TMED10: variants seen among roughly 807,000 people sequenced by gnomAD.
TMED10 encodes transmembrane p24 trafficking protein 10.
TMED10 carries 7 observed loss-of-function variants against 23.1 expected under a neutral mutation model. The ratio of observed to expected loss-of-function variants is 0.30; its 90% CI spans 0.17 to 0.57. The LOEUF is 0.57. Ranked by LOEUF, TMED10 falls within the 20% of genes least tolerant of loss-of-function variation. The probability of loss-of-function intolerance (pLI) is 0.91; values close to 1 mark genes in which losing one functional copy is unlikely to be tolerated. For missense variants in TMED10, 162 were observed against 274.8 expected, an observed-to-expected ratio of 0.59 and a Z score of 2.90; for synonymous variants, 113 against 106.9, an observed-to-expected ratio of 1.06 and a Z score of -0.35.
At chr14:75,142,230 GT>G (rs989911070) in intron 3 of TMED10, among the ~76,000 whole-genome samples, 7 of 152,160 alleles carry the variant, frequency 4.6e-5, no homozygotes, top group African/African-American at 1.7e-4. Flanking sequence ...GCTGCATGTA[GT>G]TGTTAAATAA....
At chr14:75,153,017 G>A (rs1895973709) in intron 1 of TMED10, among the ~76,000 whole-genome samples, 2 of 152,204 alleles carry the variant, frequency 1.3e-5, no homozygotes, top group Admixed American at 1.3e-4. Flanking sequence ...AGCTACTCAG[G>A]AGGCTGAGGC....
intron 2 of TMED10, among the ~76,000 whole-genome samples, chr14:75,150,431 C>G (rs892976376): frequency 6.6e-6 from 1 of 152,330 alleles, no homozygotes; most frequent in Non-Finnish European, 1.5e-5. Flanking sequence ...ACAAGGTCTT[C>G]CAACTACCTC....
At chr14:75,176,151 G>C (rs1458450686) in intron 1 of TMED10, 1 of 627,410 alleles carries the variant, frequency 1.6e-6, no homozygotes, top group African/African-American at 1.8e-5. Flanking sequence ...GCCCTTCTTG[G>C]GGTTCCCAGG....
At chr14:75,158,025 G>A (rs1896041801) in intron 1 of TMED10, among the ~76,000 whole-genome samples, 1 of 152,152 alleles carries the variant, frequency 6.6e-6, no homozygotes, top group African/African-American at 2.4e-5. Context: ...TGCATCCCAT[G>A]CTGCCTTCCC....
chr14:75,154,540 A>ATGACAGG (rs1020630193), intron 1 of TMED10, among the ~76,000 whole-genome samples: 1 of 151,970 alleles, frequency 6.6e-6, no homozygotes, highest in Admixed American at 6.6e-5. Context: ...TAAATTTGAA[A>ATGACAGG]TGACAGATTA....
intron 3 of TMED10, among the ~76,000 whole-genome samples, chr14:75,145,191 G>C (rs906058449): frequency 6.6e-6 from 1 of 152,176 alleles, no homozygotes; most frequent in African/African-American, 2.4e-5. Flanking sequence ...ATGCGTAAAG[G>C]CAGGCTTAGG....
At chr14:75,144,554 G>T (rs970097013) in intron 3 of TMED10, among the ~76,000 whole-genome samples, 2 of 152,194 alleles carry the variant, frequency 1.3e-5, no homozygotes, top group Non-Finnish European at 2.9e-5. Context: ...TAGGTAGGTA[G>T]TGTGGTACAA....
At chr14:75,167,380 C>T (rs1217838895) in intron 1 of TMED10, among the ~76,000 whole-genome samples, 1 of 151,942 alleles carries the variant, frequency 6.6e-6, no homozygotes, top group South Asian at 2.1e-4. Flanking sequence ...TTCCTTCCTC[C>T]CTCCCCTGCC....
Position 75,133,842 on chromosome 14 carries a change from C to G in TMED10, c.*1043G>C, listed in dbSNP as rs1269307841. Reference sequence around the variant, plus strand: ...ATCAAAAGGAACTGCCCCCACTTCACCACGATGCAATATATGCATGTAAGA... The same window carrying G: ...ATCAAAAGGAACTGCCCCCACTTCAGCACGATGCAATATATGCATGTAAGA... On this transcript the variant is annotated 3_prime_UTR_variant, in exon 5 of 5. Coordinates refer to ENST00000303575, the MANE Select transcript of TMED10 (RefSeq NM_006827.6). The G allele has an allele frequency of 6.4e-6, 2 of 312,848 alleles. No homozygotes were observed. Among genetic ancestry groups the G allele is most frequent in the Non-Finnish European group, 1.2e-5 (2 of 165,218 alleles). 19.4% of individuals were successfully genotyped at this position (312,848 alleles called of 1,614,324 possible).
chr14:75,157,783 T>C (rs1896038185), intron 1 of TMED10, among the ~76,000 whole-genome samples: 1 of 150,968 alleles, frequency 6.6e-6, no homozygotes, highest in African/African-American at 2.4e-5. Context: ...CTACTAAAAA[T>C]ACAAAAATTA....
At chr14:75,158,998 T>G (rs1177028247) in intron 1 of TMED10, among the ~76,000 whole-genome samples, 3 of 152,148 alleles carry the variant, frequency 2.0e-5, no homozygotes, top group African/African-American at 7.2e-5. Flanking sequence ...GTCTGAGAAC[T>G]AACCAAATCA....
In TMED10 at chr14:75,155,636, C is replaced by T. The variant is rs373587922; in HGVS notation, c.226-3493G>A. Among the ~76,000 whole-genome samples the T allele has an allele frequency of 8.6e-4, 131 of 152,224 alleles. 1 individual carries two copies. In the South Asian group the frequency reaches 0.024, roughly 28 times the overall value. On this transcript the variant is annotated intron_variant, in intron 1 of 4. Coordinates refer to ENST00000303575, the MANE Select transcript of TMED10 (RefSeq NM_006827.6). ...GAGCGCTTCACTGCAATGTGCAAGG[C>T]ATGCTACCAGAGGTATGCACAAGTG...
intron 3 of TMED10, among the ~76,000 whole-genome samples, chr14:75,146,131 GGAAACA>G (rs1485461880): frequency 1.3e-5 from 2 of 152,134 alleles, no homozygotes; most frequent in Admixed American, 1.3e-4. Context: ...AAACTAGCCT[GGAAACA>G]GAAACAAACA....
intron 2 of TMED10, 23 bp from the exon 3 acceptor site, chr14:75,147,760 CATT>C (rs1159362790): frequency 6.2e-7 from 1 of 1,613,658 alleles, no homozygotes; most frequent in Non-Finnish European, 8.5e-7. Context: ...TCAAAGGAAT[CATT>C]GTGTGAAATA....
intron 1 of TMED10, among the ~76,000 whole-genome samples, chr14:75,154,933 G>A (rs1362650127): frequency 6.7e-6 from 1 of 150,028 alleles, no homozygotes; most frequent in Non-Finnish European, 1.5e-5. Flanking sequence ...AAAGTGCTGG[G>A]ATTACAAGTG....
At chr14:75,154,401 CAAAAAAAA>C (rs1166201835) in intron 1 of TMED10, among the ~76,000 whole-genome samples, 10 of 15,252 alleles carry the variant, frequency 6.6e-4, no homozygotes, top group Non-Finnish European at 8.8e-4. Flanking sequence ...GACTCTGTCT[CAAAAAAAA>C]AAAAAAAAAA....
At chr14:75,146,151 GA>G (rs1767147121) in intron 3 of TMED10, among the ~76,000 whole-genome samples, 1 of 152,084 alleles carries the variant, frequency 6.6e-6, no homozygotes, top group African/African-American at 2.4e-5. Flanking sequence ...ACAAACAATT[GA>G]AAATTCTCTA....
At chr14:75,136,035 CT>C (rs34829710) in intron 3 of TMED10, 149 bp from the exon 4 acceptor site, 13,132 of 1,091,386 alleles carry the variant, frequency 0.012, 84 homozygotes, top group Non-Finnish European at 0.014. Flanking sequence ...ATTTGGGCTT[CT>C]TTCTTTCCCT....
intron 3 of TMED10, chr14:75,139,272 C>G: frequency 2.7e-6 from 1 of 369,282 alleles, no homozygotes; most frequent in South Asian, 2.1e-5. Flanking sequence ...TTAGTAAGAT[C>G]TTTCCAAAAA....
Sources: allele counts gnomAD v4.1 joint callset (sites outside exome capture counted in the v4.1 genomes callset), GRCh38; gene constraint gnomAD v4.1.1; transcripts MANE v1.5; gene names NCBI Gene and HGNC (gene_info 2026-07-23, HGNC 2026-07-21).